LILRA1: variants seen among roughly 807,000 people sequenced by gnomAD.
The protein encoded by LILRA1 is leukocyte immunoglobulin like receptor A1.
In LILRA1, 51 loss-of-function variants were observed where a neutral mutation model predicts 51.6. The observed-to-expected ratio is 0.99, with a 90% CI of 0.79 to 1.25. The LOEUF is 1.25. Ranked by LOEUF, LILRA1 falls within the 50% of genes most tolerant of loss-of-function variation. The probability of loss-of-function intolerance (pLI) is 0.00; values close to 1 mark genes in which losing one functional copy is unlikely to be tolerated. For synonymous variants in LILRA1, 305 were observed against 248.4 expected, an observed-to-expected ratio of 1.23 and a Z score of -2.14; for missense variants, 660 against 611.7, an observed-to-expected ratio of 1.08 and a Z score of -0.83.
intron 4 of LILRA1, 49 bp downstream of exon 4, chr19:54,595,001 G>A (rs760130329): frequency 6.2e-7 from 1 of 1,608,390 alleles, no homozygotes; most frequent in Admixed American, 1.7e-5. Context: ...CCTCAGGAAG[G>A]GAGTCAGTTC....
intron 7 of LILRA1, among the ~76,000 whole-genome samples, chr19:54,597,844 G>A (rs2063091024): frequency 1.3e-5 from 2 of 151,428 alleles, no homozygotes; most frequent in South Asian, 2.2e-4. Flanking sequence ...TACACAACAC[G>A]TGCTGTGAAT....
At chr19:54,597,354 GT>G in intron 7 of LILRA1, among the ~76,000 whole-genome samples, 1 of 129,056 alleles carries the variant, frequency 7.7e-6, no homozygotes. Context: ...GGTGTCTGAG[GT>G]TCAGCATTGA....
chr19:54,600,577 G>A (rs746547472), intron 9 of LILRA1, 27 bp downstream of exon 9: 19 of 1,613,750 alleles, frequency 1.2e-5, no homozygotes, highest in Admixed American at 1.0e-4. Context: ...TCTCGTTTAC[G>A]GTGCTGGGCA....
rs151320443 is a variant in LILRA1, at chr19:54,595,322, C to A, written c.581C>A (p.Ser194Ter). The change falls in exon 5 of 10, where the codon TCG becomes TAG. Residue 194 changes from serine to a stop codon, truncating the protein, a stop_gained. Coordinates refer to ENST00000251372, the MANE Select transcript of LILRA1 (RefSeq NM_006863.4). LOFTEE classifies it high-confidence loss of function. ...VGPVSPSRRW[S>*]YRCYAYDSNS... ...CCCGTGAGCCCGAGTCGCAGGTGGT[C>A]GTACAGGTGCTATGCTTATGACTCG... 5.0e-6 allele frequency: 8 copies of A among 1,614,038 alleles called. No individual in the cohort carries two copies. In the East Asian group the frequency reaches 1.8e-4, roughly 36 times the overall value.
intron 7 of LILRA1, 43 bp downstream of exon 7, chr19:54,596,534 C>T (rs2063062741): frequency 1.9e-6 from 3 of 1,612,288 alleles, no homozygotes; most frequent in Non-Finnish European, 2.5e-6. Context: ...AAAGGATCAG[C>T]TCAGGCCCTG....
Position 54,601,028 on chromosome 19 carries a change from G to C in LILRA1, c.*211G>C. 1 of 617,136 alleles carries C rather than the reference G, an allele frequency of 1.6e-6. No individual in the cohort carries two copies. Among genetic ancestry groups the C allele is most frequent in the South Asian group, 2.0e-5 (1 of 51,110 alleles). The allele number at this position is 617,136 out of a possible 1,614,324, so 38.2% of individuals were successfully genotyped here. A position where few individuals can be genotyped will look rare whatever the true frequency, so the allele number is the denominator to read the frequency against. On this transcript the variant is annotated 3_prime_UTR_variant, in exon 10 of 10. Coordinates refer to ENST00000251372, the MANE Select transcript of LILRA1 (RefSeq NM_006863.4). The stretch of plus-strand genomic sequence containing the variant: ...GATCCATGAAGGACCATTAACCTGT[G>C]ATACCTTTCCTCTCTATTAATGTTG...
chr19:54,600,194 T>C (rs1282123815), intron 8 of LILRA1, among the ~76,000 whole-genome samples: 1 of 152,142 alleles, frequency 6.6e-6, no homozygotes, highest in African/African-American at 2.4e-5. Context: ...TCTGGGGGAA[T>C]TGGCTCATGT....
intron 7 of LILRA1, among the ~76,000 whole-genome samples, chr19:54,598,060 G>C (rs927218196): frequency 3.3e-5 from 5 of 150,988 alleles, no homozygotes; most frequent in African/African-American, 1.2e-4. Flanking sequence ...AGGGCACCCG[G>C]AGACTAAGGA....
intron 6 of LILRA1, 89 bp from the exon 7 acceptor site, chr19:54,596,098 GAT>G: frequency 6.5e-7 from 1 of 1,534,728 alleles, no homozygotes; most frequent in Non-Finnish European, 8.8e-7. Flanking sequence ...AGAAAACAGA[GAT>G]AGAGACTGAG....
rs767003925 is a variant in LILRA1, at chr19:54,594,919, G to C, written c.325G>C (p.Glu109Gln). Residue 109 changes from glutamate (E) to glutamine (Q), a missense_variant, in exon 4 of 10, where the codon GAG becomes CAG. Transcript: ENST00000251372. ...CGGTAGCCACACTGCAGGCTGGTCAGAGCCCAGTGACCCCCTGGAGCTGGT... is the reference window on the plus strand; with the variant it reads ...CGGTAGCCACACTGCAGGCTGGTCACAGCCCAGTGACCCCCTGGAGCTGGT... ...FYGSHTAGWS[E>Q]PSDPLELVVT... 4 of 1,614,130 alleles carry C rather than the reference G, an allele frequency of 2.5e-6. No homozygotes were observed. The highest frequency in any genetic ancestry group is 3.4e-6 in the Non-Finnish European group (4 of 1,179,988).
chr19:54,596,640 G>T, intron 7 of LILRA1, 149 bp downstream of exon 7: 2 of 1,119,448 alleles, frequency 1.8e-6, no homozygotes, highest in Admixed American at 2.6e-5. Context: ...GGCCCAGGCG[G>T]GTGGATCAGG....
rs750637664 is a variant in LILRA1 at position 54,600,487 on chromosome 19, T to C, written c.1313-25T>C. ...CCCAGGGGAGAGGCTGGCTCAGGGC[T>C]CTTCCCCTCTGTTTTTATTCTCAGG... is the stretch of plus-strand genomic sequence containing the variant. On this transcript the variant is annotated intron_variant, in intron 8 of 9. Coordinates refer to ENST00000251372, the MANE Select transcript of LILRA1 (RefSeq NM_006863.4). The C allele has an allele frequency of 2.0e-5, 32 of 1,613,688 alleles. 1 individual carries two copies. The African/African-American group carries it at 4.0e-4, about 20-fold the overall frequency.
In LILRA1 at chr19:54,600,878, G is replaced by T; in HGVS notation, c.*61G>T. 6.3e-7 allele frequency: 1 copy of T among 1,585,636 alleles called. No individual in the cohort carries two copies. The highest frequency in any genetic ancestry group is 8.7e-7 in the Non-Finnish European group (1 of 1,154,146). Reference sequence around the variant, plus strand: ...GTACCCTTCAGAGTGGTGGAGCCTTGGGAACAGATCTGATGATGCCAGGAG... The same window carrying T: ...GTACCCTTCAGAGTGGTGGAGCCTTTGGAACAGATCTGATGATGCCAGGAG... On this transcript the variant is annotated 3_prime_UTR_variant, in exon 10 of 10. Coordinates refer to ENST00000251372, the MANE Select transcript of LILRA1 (RefSeq NM_006863.4).
At position 54,595,269 on chromosome 19, in the gene LILRA1, G is replaced by A. The variant is rs1234595865; in HGVS notation, c.528G>A (p.Gly176=). The part of the protein sequence containing the change: ...QCLNSQPRTH[G]WSRAIFSVGP... ...TGAACTCACAGCCCCGTACCCATGG[G>A]TGGTCCCGGGCCATCTTCTCTGTGG... The change falls in exon 5 of 10, where the codon GGG becomes GGA. Residue 176 remains glycine, a synonymous_variant. Coordinates refer to ENST00000251372, the MANE Select transcript of LILRA1 (RefSeq NM_006863.4). The A allele has an allele frequency of 1.9e-6, 3 of 1,613,970 alleles. No homozygotes were observed. The highest frequency in any genetic ancestry group is 2.5e-6 in the Non-Finnish European group (3 of 1,180,006).
In LILRA1 at chr19:54,601,267, C is replaced by T. The variant is rs2063156892; in HGVS notation, c.*450C>T. On this transcript the variant is annotated 3_prime_UTR_variant, in exon 10 of 10. Transcript: ENST00000251372. ...CAGAGTTCCAAACGTGCTTCAGTAACTAAATCAATGGGAGAGTATCGGATT... is the reference window on the plus strand; with the variant it reads ...CAGAGTTCCAAACGTGCTTCAGTAATTAAATCAATGGGAGAGTATCGGATT... 1 of 188,832 alleles carries T rather than the reference C, an allele frequency of 5.3e-6. No homozygotes were observed. Among genetic ancestry groups the T allele is most frequent in the Admixed American group, 5.4e-5 (1 of 18,574 alleles). 11.7% of individuals were successfully genotyped at this position (188,832 alleles called of 1,614,324 possible).
chr19:54,599,225 T>C lies in LILRA1; in HGVS notation c.1262-11T>C. 1 of 1,563,524 alleles carries C rather than the reference T, an allele frequency of 6.4e-7. No homozygotes were observed. The highest frequency in any genetic ancestry group is 8.7e-7 in the Non-Finnish European group (1 of 1,148,994). ...CTGAATATGTCTCTTCTCCTCTGTTTTGATTCTCAGGAGCAGCTGAGACCC... is the reference window on the plus strand; with the variant it reads ...CTGAATATGTCTCTTCTCCTCTGTTCTGATTCTCAGGAGCAGCTGAGACCC... On this transcript the variant is annotated splice_polypyrimidine_tract_variant and intron_variant, in intron 7 of 9. Coordinates refer to ENST00000251372, the MANE Select transcript of LILRA1 (RefSeq NM_006863.4).
At position 54,600,962 on chromosome 19, in the gene LILRA1, G is replaced by A. The variant is rs1356285882; in HGVS notation, c.*145G>A. The A allele has an allele frequency of 5.5e-6, 5 of 904,276 alleles. No individual in the cohort carries two copies. The highest frequency in any genetic ancestry group is 1.6e-5 in the African/African-American group (1 of 60,662). 56.0% of individuals were successfully genotyped at this position (904,276 alleles called of 1,614,324 possible). Reference sequence around the variant, plus strand: ...GGACTGTCTGCCAATCATTTTTAGAGGGAGGAATCAGTGTTGGATTGCAGA... The same window carrying A: ...GGACTGTCTGCCAATCATTTTTAGAAGGAGGAATCAGTGTTGGATTGCAGA... On this transcript the variant is annotated 3_prime_UTR_variant, in exon 10 of 10. Coordinates refer to ENST00000251372, the MANE Select transcript of LILRA1 (RefSeq NM_006863.4).
rs763672344 is a variant in LILRA1, at chr19:54,595,743, G to C, written c.766G>C (p.Val256Leu). Residue 256 changes from valine to leucine, a missense_variant, in exon 6 of 10, where the codon GTT becomes CTT. Val to Leu is a conservative substitution (Grantham distance 32). Coordinates refer to ENST00000251372, the MANE Select transcript of LILRA1 (RefSeq NM_006863.4). ...TTCTGATGTCAGCTACGACAGATTT[G>C]TTCTGTATAAGGAGGGAGAACGTGA... Reference protein sequence around the residue: ...CVSDVSYDRFVLYKEGERDFL... With the variant: ...CVSDVSYDRFLLYKEGERDFL... 6.2e-7 allele frequency: 1 copy of C among 1,614,058 alleles called. No individual in the cohort carries two copies. Among genetic ancestry groups the C allele is most frequent in the East Asian group, 2.2e-5 (1 of 44,878 alleles).
In LILRA1 at chr19:54,593,684, C is replaced by G; in HGVS notation, c.-146C>G. 2 of 484,842 alleles carry G rather than the reference C, an allele frequency of 4.1e-6. No individual in the cohort carries two copies. The highest frequency in any genetic ancestry group is 8.0e-6 in the Non-Finnish European group (2 of 251,446). The allele number at this position is 484,842 out of a possible 1,614,324, so 30.0% of individuals were successfully genotyped here. On this transcript the variant is annotated 5_prime_UTR_variant, in exon 1 of 10. Coordinates refer to ENST00000251372, the MANE Select transcript of LILRA1 (RefSeq NM_006863.4). The stretch of plus-strand genomic sequence containing the variant: ...ACGCAGCTCAACCTGAGCTACACAG[C>G]CAGATGCGAGATGCTTCTCTGCTGA...
Sources: allele counts gnomAD v4.1 joint callset (sites outside exome capture counted in the v4.1 genomes callset), GRCh38; gene constraint gnomAD v4.1.1; transcripts MANE v1.5; gene names NCBI Gene and HGNC (gene_info 2026-07-23, HGNC 2026-07-21).